P2RY12: variants seen among roughly 807,000 people sequenced by gnomAD.
P2RY12 encodes purinergic receptor P2Y12.
In P2RY12, 3 loss-of-function variants were observed where a neutral mutation model predicts 4.5. The ratio of observed to expected loss-of-function variants is 0.67; its 90% CI spans 0.31 to 1.74. The LOEUF is 1.74. P2RY12 is among the 40% of genes most tolerant of loss of function. The probability of loss-of-function intolerance (pLI) is 0.09; values close to 1 mark genes in which losing one functional copy is unlikely to be tolerated. For missense variants in P2RY12, 356 were observed against 407.8 expected, an observed-to-expected ratio of 0.87 and a Z score of 1.09; for synonymous variants, 148 against 154.1, an observed-to-expected ratio of 0.96 and a Z score of 0.29.
rs148538586 is a variant in P2RY12, at chr3:151,375,970, C to CATATATATATATATATATAT, written c.-180+8721_-180+8722insATATATATATATATATATAT. On this transcript the variant is annotated intron_variant, in intron 1 of 2. Transcript: ENST00000302632. ...TGCACTGTGGATTTAGTACATATTG[C>CATATATATATATATATATAT]ATATATATATACCGAAAGCCAGTGC... 1,189 of 811,956 alleles carry CATATATATATATATATATAT rather than the reference C, an allele frequency of 1.5e-3. 4 individuals are homozygous for CATATATATATATATATATAT. The highest frequency in any genetic ancestry group is 7.3e-3 in the East Asian group (253 of 34,788). The allele number at this position is 811,956 out of a possible 1,614,324, so 50.3% of individuals were successfully genotyped here. A position where few individuals can be genotyped will look rare whatever the true frequency, so the allele number is the denominator to read the frequency against.
chr3:151,336,988 A>C lies in P2RY12; in HGVS notation c.*829T>G, dbSNP rs1281243386. ...AATTAATTTTTTTCACTAAGGTAAAATGTTCATTAACCTAATTAGCAGCTA... is the reference window on the plus strand; with the variant it reads ...AATTAATTTTTTTCACTAAGGTAAACTGTTCATTAACCTAATTAGCAGCTA... On this transcript the variant is annotated 3_prime_UTR_variant, in exon 3 of 3. Transcript: ENST00000302632. The C allele has an allele frequency of 6.6e-6, 1 of 152,490 alleles. No homozygotes were observed. The highest frequency in any genetic ancestry group is 1.5e-5 in the Non-Finnish European group (1 of 68,244). 9.4% of individuals were successfully genotyped at this position (152,490 alleles called of 1,614,324 possible).
intron 2 of P2RY12, among the ~76,000 whole-genome samples, chr3:151,339,782 A>G (rs942960728): frequency 1.5e-5 from 1 of 64,608 alleles, no homozygotes; most frequent in African/African-American, 6.1e-5. Context: ...CACAATAGGC[A>G]GCTATAATGA....
chr3:151,380,461 A>G (rs1280755935), intron 1 of P2RY12, among the ~76,000 whole-genome samples: 1 of 151,954 alleles, frequency 6.6e-6, no homozygotes, highest in Non-Finnish European at 1.5e-5. Context: ...GCCGGGCATG[A>G]TGGTGTGCGC....
At chr3:151,351,071 G>A (rs914585357) in intron 1 of P2RY12, among the ~76,000 whole-genome samples, 11 of 152,068 alleles carry the variant, frequency 7.2e-5, no homozygotes, top group Non-Finnish European at 1.0e-4. Context: ...CCTGCACGTG[G>A]TATAAACCAC....
chr3:151,362,241 C>A (rs918859754), intron 1 of P2RY12, among the ~76,000 whole-genome samples: 2 of 152,010 alleles, frequency 1.3e-5, no homozygotes, highest in Non-Finnish European at 2.9e-5. Context: ...CTAAAGTGAT[C>A]CTTTTAATAT....
Position 151,337,848 on chromosome 3 carries a change from C to A in P2RY12, c.998G>T (p.Gly333Val). Residue 333 changes from glycine to valine, a missense_variant, in exon 3 of 3, where the codon GGT becomes GTT. By Grantham distance (109) the Gly-to-Val change is moderately radical. Transcript: ENST00000302632. ...SQDNRKKEQDGGDPNEETPM is the reference protein window; with the variant it reads ...SQDNRKKEQDVGDPNEETPM ...TGGAGTCTCTTCATTTGGGTCACCA[C>A]CATCCTGTTCTTTTTTCCTATTGTC... 6.2e-7 allele frequency: 1 copy of A among 1,614,082 alleles called. No homozygotes were observed. The highest frequency in any genetic ancestry group is 1.1e-5 in the South Asian group (1 of 91,084).
intron 1 of P2RY12, among the ~76,000 whole-genome samples, chr3:151,371,700 T>C (rs1756209072): frequency 6.6e-6 from 1 of 152,198 alleles, no homozygotes; most frequent in Admixed American, 6.5e-5. Context: ...CCAGGAAATT[T>C]TCTTGTCAAG....
chr3:151,366,844 T>C (rs1755345800), intron 1 of P2RY12, among the ~76,000 whole-genome samples: 1 of 152,166 alleles, frequency 6.6e-6, no homozygotes, highest in Admixed American at 6.5e-5. Flanking sequence ...ATCTTTAATA[T>C]AGTTTCTTAA....
At chr3:151,382,719 G>A (rs963370643) in intron 1 of P2RY12, 3 of 1,612,342 alleles carry the variant, frequency 1.9e-6, no homozygotes, top group Non-Finnish European at 2.5e-6. Context: ...GATGATGCAC[G>A]AAGCATTGCA....
intron 1 of P2RY12, among the ~76,000 whole-genome samples, chr3:151,362,721 A>C (rs919365816): frequency 6.6e-6 from 1 of 152,166 alleles, no homozygotes; most frequent in Non-Finnish European, 1.5e-5. Flanking sequence ...CACTGAAAAA[A>C]AAATCTGTTG....
chr3:151,354,089 C>T (rs111980804), intron 1 of P2RY12, among the ~76,000 whole-genome samples: 10,215 of 135,098 alleles, frequency 0.076, 1,312 homozygotes, highest in African/African-American at 0.26. Context: ...TGCAGTGAGC[C>T]GAGATCCCGC....
intron 1 of P2RY12, among the ~76,000 whole-genome samples, chr3:151,383,108 T>A (rs1410170547): frequency 6.6e-6 from 1 of 152,254 alleles, no homozygotes; most frequent in Non-Finnish European, 1.5e-5. Flanking sequence ...TAACTCAAAG[T>A]TTTGTCCAAC....
chr3:151,372,563 T>A (rs1175726599), intron 1 of P2RY12: 1 of 1,613,004 alleles, frequency 6.2e-7, no homozygotes, highest in African/African-American at 1.3e-5. Flanking sequence ...ATTCTATTAC[T>A]TAGGAGATGC....
chr3:151,346,821 A>T (rs1752605831), intron 1 of P2RY12, among the ~76,000 whole-genome samples: 1 of 152,060 alleles, frequency 6.6e-6, no homozygotes, highest in African/African-American at 2.4e-5. Flanking sequence ...TAGGGCCCAT[A>T]TCAAACCAAT....
At chr3:151,368,138 C>T in intron 1 of P2RY12, 2 of 1,610,550 alleles carry the variant, frequency 1.2e-6, no homozygotes, top group Non-Finnish European at 1.7e-6. Flanking sequence ...TTTTCCAATC[C>T]CCCTTTCCTA....
At chr3:151,376,365 AT>A in intron 1 of P2RY12, 1 of 611,392 alleles carries the variant, frequency 1.6e-6, no homozygotes, top group Non-Finnish European at 2.6e-6. Flanking sequence ...GACATACTTT[AT>A]TTTTGGGTGG....
chr3:151,373,413 A>G (rs551032611), intron 1 of P2RY12, among the ~76,000 whole-genome samples: 16 of 152,094 alleles, frequency 1.1e-4, no homozygotes, highest in African/African-American at 3.4e-4. Context: ...GTAGTTACTA[A>G]TTTTCCCCTT....
At chr3:151,344,605 C>T (rs984739495) in intron 1 of P2RY12, among the ~76,000 whole-genome samples, 2 of 151,940 alleles carry the variant, frequency 1.3e-5, no homozygotes, top group Admixed American at 6.6e-5. Flanking sequence ...AGTTTACTTC[C>T]GGATATATAC....
In P2RY12 at chr3:151,337,197, T is replaced by A. The variant is rs1283648271; in HGVS notation, c.*620A>T. The A allele has an allele frequency of 6.6e-6, 1 of 152,158 alleles. No homozygotes were observed. Among genetic ancestry groups the A allele is most frequent in the African/African-American group, 2.4e-5 (1 of 41,462 alleles). The allele number at this position is 152,158 out of a possible 1,614,324, so 9.4% of individuals were successfully genotyped here. ...ATATTTCTTCTCTTTATTGTAAAGG[T>A]CTTCTTTAAATCTTTATCTTCTAAA... On this transcript the variant is annotated 3_prime_UTR_variant, in exon 3 of 3. Coordinates refer to ENST00000302632, the MANE Select transcript of P2RY12 (RefSeq NM_022788.5).
Sources: allele counts gnomAD v4.1 joint callset (sites outside exome capture counted in the v4.1 genomes callset), GRCh38; gene constraint gnomAD v4.1.1; transcripts MANE v1.5; gene names NCBI Gene and HGNC (gene_info 2026-07-23, HGNC 2026-07-21).